Variants in ANKRD11 observed in about 807,000 individuals in gnomAD.
The protein encoded by ANKRD11 is ankyrin repeat domain-containing protein 11.
A neutral mutation model predicts 195.7 loss-of-function variants in ANKRD11; 17 were observed. The ratio of observed to expected loss-of-function variants is 0.09; its 90% CI spans 0.06 to 0.13. The LOEUF (loss-of-function observed/expected upper bound fraction) is 0.13, where lower values mean the gene tolerates loss of function less well. Ranked by LOEUF, ANKRD11 falls within the 10% of genes least tolerant of loss-of-function variation. The pLI is 1.00. For missense variants in ANKRD11, 3,735 were observed against 3,566.1 expected (o/e 1.05, Z -1.21); for synonymous variants, 1,953 against 1,528.1 (o/e 1.28, Z -6.49).
rs755348351 is a variant in ANKRD11 at position 89,317,005 on chromosome 16, C to G, written c.15G>C (p.Gly5=). ...CTTCCTGCTGTGGTGCTTTAGGGCA[C>G]CCACCCTTGGGCATCGTCCTGCTCC... is the stretch of plus-strand genomic sequence containing the variant. The part of the protein sequence containing the change: MPKG[G]CPKAPQQEEL... The change falls in exon 3 of 13, where the codon GGG becomes GGC. Residue 5 remains glycine, a synonymous_variant. Coordinates refer to ENST00000301030, the MANE Select transcript of ANKRD11 (RefSeq NM_013275.6). 2 of 1,613,684 alleles carry G rather than the reference C, an allele frequency of 1.2e-6. No individual in the cohort carries two copies. Among genetic ancestry groups the G allele is most frequent in the Non-Finnish European group, 1.7e-6 (2 of 1,179,838 alleles).
intron 1 of ANKRD11, among the ~76,000 whole-genome samples, chr16:89,437,033 C>G (rs1360316768): frequency 1.3e-5 from 2 of 152,170 alleles, no homozygotes; most frequent in African/African-American, 4.8e-5. Context: ...TCCCCAATAT[C>G]CTAAAAAGTG....
rs1286280959 is a variant in ANKRD11 at position 89,315,750 on chromosome 16, C to G, written c.87+1183G>C. On this transcript the variant is annotated intron_variant, in intron 3 of 12. Coordinates refer to ENST00000301030, the MANE Select transcript of ANKRD11 (RefSeq NM_013275.6). ...TTTAGCACCTGCACGTGTCCGTATT[C>G]ACAAAATGCTTCACGATTCACCAAA... Among the ~76,000 whole-genome samples the G allele has an allele frequency of 3.3e-5, 5 of 152,192 alleles. No individual in the cohort carries two copies. In the South Asian group the frequency reaches 1.0e-3, roughly 32 times the overall value.
intron 2 of ANKRD11, among the ~76,000 whole-genome samples, chr16:89,369,684 G>A (rs560356914): frequency 3.9e-5 from 6 of 152,334 alleles, no homozygotes; most frequent in South Asian, 2.1e-4. Context: ...GGTCCCGACT[G>A]TGGGACACAG....
chr16:89,394,960 G>C (rs554028310), intron 2 of ANKRD11, among the ~76,000 whole-genome samples: 1 of 152,318 alleles, frequency 6.6e-6, no homozygotes, highest in East Asian at 1.9e-4. Context: ...GAGCTGATGA[G>C]AGAACCCCCT....
chr16:89,336,392 A>C lies in ANKRD11; in HGVS notation c.-59-19314T>G, dbSNP rs563379841. 2.0e-5 allele frequency among the ~76,000 whole-genome samples: 3 copies of C among 152,344 alleles called. No individual in the cohort carries two copies. The East Asian group carries it at 5.8e-4, about 29-fold the overall frequency. On this transcript the variant is annotated intron_variant, in intron 2 of 12. Transcript: ENST00000301030. ...CGTCCACAGACAGCACACTGGATTC[A>C]AAGACCCAGGAAGGAAGGAGTCTGT...
At chr16:89,462,603 C>A (rs1444113708) in intron 1 of ANKRD11, among the ~76,000 whole-genome samples, 2 of 151,892 alleles carry the variant, frequency 1.3e-5, no homozygotes, top group Non-Finnish European at 2.9e-5. Flanking sequence ...CGCCCAGCCG[C>A]CATCCCACTT....
intron 2 of ANKRD11, among the ~76,000 whole-genome samples, chr16:89,378,368 A>G (rs2040507859): frequency 6.6e-6 from 1 of 152,212 alleles, no homozygotes; most frequent in Non-Finnish European, 1.5e-5. Flanking sequence ...TTCAAGGACC[A>G]AACATATATA....
At chr16:89,332,123 A>G (rs1377087102) in intron 2 of ANKRD11, among the ~76,000 whole-genome samples, 3 of 152,178 alleles carry the variant, frequency 2.0e-5, no homozygotes, top group South Asian at 2.1e-4. Context: ...TTCCATCTCC[A>G]TATTAAAAAA....
chr16:89,455,481 C>T (rs896833590), intron 1 of ANKRD11, among the ~76,000 whole-genome samples: 2 of 152,092 alleles, frequency 1.3e-5, no homozygotes, highest in African/African-American at 2.4e-5. Context: ...TCAAAACACA[C>T]CAGGTGGGGA....
At chr16:89,487,957 G>A (rs371041616) in intron 1 of ANKRD11, among the ~76,000 whole-genome samples, 1 of 124,780 alleles carries the variant, frequency 8.0e-6, no homozygotes, top group East Asian at 2.6e-4. Context: ...GGGTGTGATG[G>A]CACTGCTGGT....
intron 1 of ANKRD11, among the ~76,000 whole-genome samples, chr16:89,444,187 T>C (rs1245784779): frequency 6.6e-6 from 1 of 152,018 alleles, no homozygotes; most frequent in Non-Finnish European, 1.5e-5. Context: ...GATACTGATA[T>C]GCAAGTTTTA....
chr16:89,389,420 GA>G (rs955047679), intron 2 of ANKRD11, among the ~76,000 whole-genome samples: 7 of 151,804 alleles, frequency 4.6e-5, no homozygotes, highest in African/African-American at 1.7e-4. Flanking sequence ...TTACATAGGA[GA>G]AAAAAAAGTC....
At chr16:89,365,912 C>G (rs1191641895) in intron 2 of ANKRD11, among the ~76,000 whole-genome samples, 1 of 152,072 alleles carries the variant, frequency 6.6e-6, no homozygotes, top group East Asian at 1.9e-4. Flanking sequence ...TCTCTGTGTC[C>G]ACGTGTTCTC....
At chr16:89,441,100 G>A (rs979597169) in intron 1 of ANKRD11, among the ~76,000 whole-genome samples, 1 of 151,980 alleles carries the variant, frequency 6.6e-6, no homozygotes, top group African/African-American at 2.4e-5. Context: ...GCCGGGCGTG[G>A]TGGTGGGCGC....
intron 1 of ANKRD11, among the ~76,000 whole-genome samples, chr16:89,437,568 G>A (rs572469241): frequency 1.1e-4 from 16 of 152,242 alleles, no homozygotes; most frequent in Non-Finnish European, 2.1e-4. Flanking sequence ...GTCCTCCAGA[G>A]CTCTCTCCAA....
At chr16:89,295,651 A>G (rs867169824) in intron 4 of ANKRD11, among the ~76,000 whole-genome samples, 2 of 152,048 alleles carry the variant, frequency 1.3e-5, no homozygotes, top group African/African-American at 2.4e-5. Flanking sequence ...GCATCCAGCC[A>G]TGGCCTTTCT....
chr16:89,432,457 CCT>C (rs1433145579), intron 1 of ANKRD11, among the ~76,000 whole-genome samples: 2 of 152,120 alleles, frequency 1.3e-5, no homozygotes, highest in Non-Finnish European at 2.9e-5. Context: ...GCCTCCCCAG[CCT>C]CTGAGCAACC....
intron 1 of ANKRD11, among the ~76,000 whole-genome samples, chr16:89,442,180 G>A (rs565695076): frequency 3.3e-5 from 5 of 152,334 alleles, no homozygotes; most frequent in African/African-American, 1.2e-4. Context: ...TCAGCAGAGG[G>A]AGGACACCCC....
chr16:89,447,715 G>A (rs2043861113), intron 1 of ANKRD11, among the ~76,000 whole-genome samples: 1 of 152,078 alleles, frequency 6.6e-6, no homozygotes. Flanking sequence ...GGGATTACAG[G>A]CGTGAGCCAC....
Sources: gnomAD v4.1 joint callset for allele counts (sites outside exome capture counted in the v4.1 genomes callset) on GRCh38, gnomAD v4.1.1 for gene constraint, MANE v1.5 for transcripts, NCBI Gene and HGNC (gene_info 2026-07-23, HGNC 2026-07-21) for gene names.